Variants in DLGAP2 observed in about 807,000 individuals in gnomAD.
DLGAP2 encodes the protein DLG associated protein 2.
Under a neutral mutation model 100.3 loss-of-function variants are expected in DLGAP2, and 26 were observed. The ratio of observed to expected loss-of-function variants is 0.26; its 90% CI spans 0.19 to 0.36. The LOEUF (loss-of-function observed/expected upper bound fraction) is 0.36, where lower values mean the gene tolerates loss of function less well. Ranked by LOEUF, DLGAP2 falls within the 10% of genes least tolerant of loss-of-function variation. The pLI is 1.00. For missense variants in DLGAP2, 1,858 were observed against 1,453.2 expected, an observed-to-expected ratio of 1.28 and a Z score of -4.53; for synonymous variants, 886 against 630.1, an observed-to-expected ratio of 1.41 and a Z score of -6.08.
At chr8:931,930 T>A (rs1050614381) in intron 2 of DLGAP2, among the ~76,000 whole-genome samples, 5 of 152,242 alleles carry the variant, frequency 3.3e-5, no homozygotes, top group Non-Finnish European at 7.3e-5. Context: ...ACCGAGGGGA[T>A]GTTTGGTCCC....
At chr8:1,327,251 G>T (rs1234027210) in intron 3 of DLGAP2, among the ~76,000 whole-genome samples, 1 of 152,214 alleles carries the variant, frequency 6.6e-6, no homozygotes, top group African/African-American at 2.4e-5. Flanking sequence ...GACCAACCAG[G>T]GTCCCTTGGC....
At chr8:1,153,944 G>A (rs576850460) in intron 2 of DLGAP2, among the ~76,000 whole-genome samples, 59 of 152,098 alleles carry the variant, frequency 3.9e-4, no homozygotes, top group Admixed American at 7.2e-4. Context: ...CCTTTCCTAG[G>A]GGGTTTCATG....
chr8:1,454,005 C>A (rs1798235866), intron 3 of DLGAP2, among the ~76,000 whole-genome samples: 1 of 152,236 alleles, frequency 6.6e-6, no homozygotes, highest in Non-Finnish European at 1.5e-5. Context: ...GGCCTCCTGC[C>A]AGGCAGTGGG....
intron 2 of DLGAP2, among the ~76,000 whole-genome samples, chr8:943,825 A>C (rs1037471560): frequency 1.3e-5 from 2 of 152,282 alleles, no homozygotes; most frequent in African/African-American, 4.8e-5. Context: ...ATTATGGATT[A>C]GATTGAAAAT....
intron 2 of DLGAP2, among the ~76,000 whole-genome samples, chr8:1,182,317 G>T (rs1031221738): frequency 6.6e-6 from 1 of 152,254 alleles, no homozygotes; most frequent in African/African-American, 2.4e-5. Context: ...CTTGACTGTG[G>T]CAGTGCTCAC....
chr8:904,435 A>C (rs948672596), intron 1 of DLGAP2, among the ~76,000 whole-genome samples: 7 of 152,152 alleles, frequency 4.6e-5, no homozygotes, highest in Non-Finnish European at 1.0e-4. Context: ...CAGAAGAATC[A>C]CTTGAACCCA....
At chr8:1,373,233 A>T (rs1802290730) in intron 3 of DLGAP2, among the ~76,000 whole-genome samples, 1 of 149,722 alleles carries the variant, frequency 6.7e-6, no homozygotes, top group Non-Finnish European at 1.5e-5. Context: ...GTGCTGGAGA[A>T]AGCCACGCCC....
At chr8:1,026,879 T>A (rs1485027119) in intron 2 of DLGAP2, among the ~76,000 whole-genome samples, 3 of 152,266 alleles carry the variant, frequency 2.0e-5, no homozygotes, top group African/African-American at 7.2e-5. Flanking sequence ...TAATTTCTTC[T>A]GATCTTTGAA....
chr8:965,768 G>A (rs112157352), intron 2 of DLGAP2, among the ~76,000 whole-genome samples: 274 of 109,878 alleles, frequency 2.5e-3, no homozygotes, highest in Middle Eastern at 7.4e-3. Flanking sequence ...TGACCCCTGC[G>A]CTGCACACGG....
At chr8:1,484,771 G>A (rs1799196310) in intron 3 of DLGAP2, among the ~76,000 whole-genome samples, 1 of 152,188 alleles carries the variant, frequency 6.6e-6, no homozygotes, top group South Asian at 2.1e-4. Flanking sequence ...AGGGACAGAG[G>A]TGGTAGCAGA....
intron 2 of DLGAP2, among the ~76,000 whole-genome samples, chr8:977,142 C>G (rs1291609930): frequency 6.6e-6 from 1 of 152,234 alleles, no homozygotes; most frequent in Non-Finnish European, 1.5e-5. Flanking sequence ...CTTCACCTCT[C>G]TCACTTTCCT....
chr8:1,684,034 C>T (rs1392707211), intron 12 of DLGAP2, among the ~76,000 whole-genome samples: 1 of 137,568 alleles, frequency 7.3e-6, no homozygotes, highest in East Asian at 2.0e-4. Context: ...AAGGCTGGAG[C>T]GCAGTGGCGC....
At chr8:1,201,849 A>G (rs1195869736) in intron 2 of DLGAP2, among the ~76,000 whole-genome samples, 1 of 151,834 alleles carries the variant, frequency 6.6e-6, no homozygotes, top group Non-Finnish European at 1.5e-5. Flanking sequence ...ACATGTGTGT[A>G]TGTGTACGGT....
intron 3 of DLGAP2, among the ~76,000 whole-genome samples, chr8:1,377,359 A>T (rs1041992843): frequency 6.6e-6 from 1 of 152,188 alleles, no homozygotes; most frequent in Non-Finnish European, 1.5e-5. Context: ...CCTGGGTAAT[A>T]TGGTGAAACC....
At chr8:1,609,445 T>C (rs1307005338) in intron 6 of DLGAP2, among the ~76,000 whole-genome samples, 1 of 136,544 alleles carries the variant, frequency 7.3e-6, no homozygotes. Context: ...CATGCCAAAA[T>C]GTAAAGACCA....
intron 1 of DLGAP2, among the ~76,000 whole-genome samples, chr8:768,220 G>C (rs1223772729): frequency 6.6e-6 from 1 of 152,104 alleles, no homozygotes; most frequent in African/African-American, 2.4e-5. Context: ...GCCACATGCT[G>C]GTCAGACAGG....
intron 3 of DLGAP2, among the ~76,000 whole-genome samples, chr8:1,444,848 C>T (rs1044780397): frequency 7.1e-6 from 1 of 140,764 alleles, no homozygotes; most frequent in Non-Finnish European, 1.5e-5. Context: ...GGCGTGACCT[C>T]GGCTGACTGC....
chr8:859,192 A>G (rs1376443612), intron 1 of DLGAP2, among the ~76,000 whole-genome samples: 1 of 151,250 alleles, frequency 6.6e-6, no homozygotes, highest in Non-Finnish European at 1.5e-5. Context: ...GCTCACTGCA[A>G]CCTCCACCTC....
At chr8:1,559,429 A>G (rs1802083226) in intron 5 of DLGAP2, among the ~76,000 whole-genome samples, 1 of 152,112 alleles carries the variant, frequency 6.6e-6, no homozygotes, top group South Asian at 2.1e-4. Context: ...TGTTCTTTTG[A>G]TAGTCTCCAG....
Sources: allele counts gnomAD v4.1 joint callset (sites outside exome capture counted in the v4.1 genomes callset), GRCh38; gene constraint gnomAD v4.1.1; transcripts MANE v1.5; gene names NCBI Gene and HGNC (gene_info 2026-07-23, HGNC 2026-07-21).